Variants in GDAP1 observed in about 807,000 individuals in gnomAD.
The protein encoded by GDAP1 is ganglioside induced differentiation associated protein 1.
A neutral mutation model predicts 40.1 loss-of-function variants in GDAP1; 34 were observed. That is an observed-to-expected ratio of 0.85 (90% CI 0.64 to 1.13). GDAP1 has a LOEUF of 1.13. Among genes scored for constraint, GDAP1 ranks in the 50% most tolerant of loss-of-function variants. The pLI is 0.00. For synonymous variants in GDAP1, 170 were observed against 157.4 expected (o/e 1.08, Z -0.60); for missense variants, 374 against 433.7 (o/e 0.86, Z 1.22).
At chr8:74,367,882 G>A (rs1809687488), downstream of GDAP1, among the ~76,000 whole-genome samples, 1 of 152,206 alleles carries the variant, frequency 6.6e-6, no homozygotes, top group Admixed American at 6.5e-5. Context: ...GCCTGACTGT[G>A]TTAGGAGGGA....
chr8:74,360,379 A>G (rs1586803465), intron 3 of GDAP1, 69 bp downstream of exon 3: 2 of 1,290,064 alleles, frequency 1.6e-6, no homozygotes, highest in Middle Eastern at 1.8e-4. Context: ...GAGACCTAGC[A>G]TGTCTCATGG....
intron 2 of GDAP1, among the ~76,000 whole-genome samples, chr8:74,470,185 G>A (rs1046567953): frequency 6.6e-6 from 1 of 151,584 alleles, no homozygotes; most frequent in Non-Finnish European, 1.5e-5. Flanking sequence ...TTATTTGCTT[G>A]GTGTTAAGTA....
chr8:74,351,416 T>C lies in GDAP1; in HGVS notation c.260T>C (p.Ile87Thr), dbSNP rs751297226. The change falls in exon 2 of 6, where the codon ATT (isoleucine) becomes ACT (threonine). Residue 87 changes from isoleucine (I) to threonine (T), a missense_variant. By Grantham distance (89) the Ile-to-Thr change is moderately conservative (BLOSUM62 -1). Transcript: ENST00000220822. ...VPVLIHGENI[I>T]CEATQIIDYL... is the part of the protein sequence containing the mutation. ...GTCCTTATCCACGGGGAAAACATAA[T>C]TTGTGAGGCCACTCAGATCATTGAT... The C allele has an allele frequency of 1.5e-5, 25 of 1,613,954 alleles. No individual in the cohort carries two copies. The highest frequency in any genetic ancestry group is 2.0e-5 in the Non-Finnish European group (24 of 1,179,918).
chr8:74,445,552 A>G (rs971669638), intron 2 of GDAP1, among the ~76,000 whole-genome samples: 6 of 152,196 alleles, frequency 3.9e-5, no homozygotes, highest in African/African-American at 1.4e-4. Context: ...AAAATATATT[A>G]TCACTGCTGT....
chr8:74,393,163 AC>A (rs763565452), intron 2 of GDAP1, among the ~76,000 whole-genome samples: 1 of 152,228 alleles, frequency 6.6e-6, no homozygotes, highest in Non-Finnish European at 1.5e-5. Context: ...TTATTATAGC[AC>A]ATACTTTTCA....
At chr8:74,447,392 A>G (rs1396628053) in intron 2 of GDAP1, among the ~76,000 whole-genome samples, 1 of 152,102 alleles carries the variant, frequency 6.6e-6, no homozygotes, top group Non-Finnish European at 1.5e-5. Flanking sequence ...ATCTGGGTGA[A>G]AATTTCTGTA....
chr8:74,367,468 A>G (rs1809679779), downstream of GDAP1, among the ~76,000 whole-genome samples: 2 of 152,222 alleles, frequency 1.3e-5, no homozygotes, highest in African/African-American at 4.8e-5. Flanking sequence ...AAAGGGCAAC[A>G]ATACTGAATA....
rs113079681 is a variant in GDAP1, at chr8:74,381,693, T to C, written c.165+30372T>C. On this transcript the variant is annotated intron_variant, in intron 2 of 2. Transcript: ENST00000523640. The stretch of plus-strand genomic sequence containing the variant: ...ATCGCTTGAACCCGGGAGGCAGAGG[T>C]TGCAGTGAGCTGAGATCATGCCACT... 3.4e-3 allele frequency among the ~76,000 whole-genome samples: 519 copies of C among 150,710 alleles called. 4 individuals carry two copies. The highest frequency in any genetic ancestry group is 0.012 in the African/African-American group (487 of 40,962).
chr8:74,370,344 G>A (rs979575597), downstream of GDAP1, among the ~76,000 whole-genome samples: 1 of 152,198 alleles, frequency 6.6e-6, no homozygotes, highest in Non-Finnish European at 1.5e-5. Context: ...TTACACTATT[G>A]TAAAGCTATT....
chr8:74,417,650 G>A lies in GDAP1; in HGVS notation c.165+66329G>A, dbSNP rs1207796745. ...CACACACCTGTAAGCCCAACTACTC[G>A]GGAGGCCAAGGCAGGAGAATTGCTT... On this transcript the variant is annotated intron_variant, in intron 2 of 2. Coordinates refer to the GDAP1 transcript ENST00000523640. Among the ~76,000 whole-genome samples the A allele has an allele frequency of 1.0e-4, 15 of 148,826 alleles. 1 individual carries two copies. The highest frequency in any genetic ancestry group is 5.9e-4 in the Admixed American group (9 of 15,140).
At chr8:74,404,841 C>T (rs2131551100) in intron 2 of GDAP1, among the ~76,000 whole-genome samples, 1 of 149,896 alleles carries the variant, frequency 6.7e-6, no homozygotes, top group South Asian at 2.1e-4. Flanking sequence ...GGGATTGTTT[C>T]CAAGACCCTC....
intron 2 of GDAP1, among the ~76,000 whole-genome samples, chr8:74,416,794 C>A (rs1563463375): frequency 6.7e-6 from 1 of 149,906 alleles, no homozygotes; most frequent in Non-Finnish European, 1.5e-5. Flanking sequence ...CCTTCAGGGA[C>A]TCCTGCTCCT....
At chr8:74,356,692 T>TGTGTGTGTGTGTTTG (rs1563440290) in intron 2 of GDAP1, among the ~76,000 whole-genome samples, 5 of 95,304 alleles carry the variant, frequency 5.2e-5, no homozygotes, top group Non-Finnish European at 1.0e-4. Flanking sequence ...GTGTGTGTGT[T>TGTGTGTGTGTGTTTG]TGTGTGTGTG....
At chr8:74,471,190 T>G (rs1806548995) in intron 2 of GDAP1, among the ~76,000 whole-genome samples, 1 of 152,200 alleles carries the variant, frequency 6.6e-6, no homozygotes, top group Non-Finnish European at 1.5e-5. Context: ...TCTCCCATTT[T>G]GTAGGTTGCC....
chr8:74,484,253 G>A (rs945131597), intron 2 of GDAP1, among the ~76,000 whole-genome samples: 9 of 152,002 alleles, frequency 5.9e-5, no homozygotes, highest in South Asian at 2.1e-4. Context: ...CCTTCTATAC[G>A]TCATACATTC....
chr8:74,463,431 A>G (rs889738296), intron 2 of GDAP1, among the ~76,000 whole-genome samples: 1 of 149,606 alleles, frequency 6.7e-6, no homozygotes, highest in South Asian at 2.2e-4. Flanking sequence ...ACTGCACTCC[A>G]GCTTGGGTGA....
chr8:74,396,653 G>A (rs1017532628), intron 2 of GDAP1, among the ~76,000 whole-genome samples: 2 of 152,102 alleles, frequency 1.3e-5, no homozygotes, highest in Non-Finnish European at 2.9e-5. Context: ...ATGATTTCCA[G>A]TTTCATCCAT....
chr8:74,413,270 T>C (rs757925242), intron 2 of GDAP1, among the ~76,000 whole-genome samples: 132 of 149,422 alleles, frequency 8.8e-4, no homozygotes, highest in Admixed American at 3.0e-3. Context: ...TTGAGGACTT[T>C]GAAAAGTAGA....
At chr8:74,408,220 G>A (rs1049754911) in intron 2 of GDAP1, among the ~76,000 whole-genome samples, 5 of 149,940 alleles carry the variant, frequency 3.3e-5, no homozygotes, top group Admixed American at 2.0e-4. Context: ...CTCTGAGGAC[G>A]GGCTTTAAAA....
Sources: allele counts gnomAD v4.1 joint callset (sites outside exome capture counted in the v4.1 genomes callset), GRCh38; gene constraint gnomAD v4.1.1; transcripts MANE v1.5; gene names NCBI Gene and HGNC (gene_info 2026-07-23, HGNC 2026-07-21).